The following ATAD2 variants were observed in gnomAD, a reference collection of about 807,000 sequenced individuals.
The protein encoded by ATAD2 is ATPase family AAA domain-containing protein 2.
In ATAD2, 62 loss-of-function variants were observed where a neutral mutation model predicts 168.9. The ratio of observed to expected loss-of-function variants is 0.37; its 90% CI spans 0.30 to 0.45. ATAD2 has a LOEUF of 0.45. Ranked by LOEUF, ATAD2 falls within the 20% of genes least tolerant of loss-of-function variation. ATAD2 has a pLI of 1.00. For missense variants in ATAD2, 1,419 were observed against 1,667.8 expected, an observed-to-expected ratio of 0.85 and a Z score of 2.60; for synonymous variants, 613 against 571.6, an observed-to-expected ratio of 1.07 and a Z score of -1.03.
chr8:123,405,763 C>T (rs1205437672), intron 1 of ATAD2, among the ~76,000 whole-genome samples: 4 of 152,238 alleles, frequency 2.6e-5, no homozygotes, highest in African/African-American at 9.6e-5. Context: ...TCATAGTCCA[C>T]TCTGTGGACA....
chr8:123,326,265 G>C (rs1301281260), intron 25 of ATAD2, among the ~76,000 whole-genome samples: 1 of 152,162 alleles, frequency 6.6e-6, no homozygotes, highest in African/African-American at 2.4e-5. Flanking sequence ...CAACAGGTTA[G>C]AATGTCTTCT....
At chr8:123,369,417 G>C in intron 7 of ATAD2, 1 of 215,948 alleles carries the variant, frequency 4.6e-6, no homozygotes, top group South Asian at 1.3e-4. Context: ...ACACACACAG[G>C]CCATAAACAA....
chr8:123,399,929 C>T (rs1430679682), upstream of ATAD2, among the ~76,000 whole-genome samples: 4 of 152,058 alleles, frequency 2.6e-5, 1 homozygote, highest in Non-Finnish European at 4.4e-5. Context: ...TTTGGGAGGG[C>T]GAGGCAGGCA....
intron 26 of ATAD2, among the ~76,000 whole-genome samples, chr8:123,323,939 A>G (rs1200731037): frequency 6.6e-6 from 1 of 152,234 alleles, no homozygotes; most frequent in Non-Finnish European, 1.5e-5. Flanking sequence ...AATGACATAC[A>G]TGTATACTGA....
At chr8:123,409,234 G>A (rs1033803438) in intron 1 of ATAD2, among the ~76,000 whole-genome samples, 6 of 152,238 alleles carry the variant, frequency 3.9e-5, no homozygotes, top group Admixed American at 1.3e-4. Flanking sequence ...ACACAGCAGT[G>A]AGTCTAATAC....
chr8:123,375,815 A>G (rs1013344888), intron 2 of ATAD2, among the ~76,000 whole-genome samples: 3 of 152,156 alleles, frequency 2.0e-5, no homozygotes, highest in African/African-American at 4.8e-5. Flanking sequence ...TACTAAAAAT[A>G]CAAAAATTAG....
chr8:123,409,114 C>T (rs149198820), intron 1 of ATAD2, among the ~76,000 whole-genome samples: 41 of 152,272 alleles, frequency 2.7e-4, no homozygotes, highest in Non-Finnish European at 4.1e-4. Context: ...GTATGAGCCA[C>T]GGCCCCGGCT....
intron 2 of ATAD2, 101 bp from the exon 3 acceptor site, chr8:123,372,787 G>A: frequency 1.1e-6 from 1 of 941,736 alleles, no homozygotes; most frequent in Non-Finnish European, 1.5e-6. Flanking sequence ...GAGTGCAGTG[G>A]CACAATCATG....
chr8:123,415,229 C>T (rs1279882234), intron 1 of ATAD2, among the ~76,000 whole-genome samples: 2 of 152,086 alleles, frequency 1.3e-5, no homozygotes, highest in African/African-American at 4.8e-5. Flanking sequence ...AAAGATAGGG[C>T]CCCAATCCCT....
intron 12 of ATAD2, among the ~76,000 whole-genome samples, chr8:123,357,077 T>TA (rs1454346670): frequency 6.6e-6 from 1 of 152,206 alleles, no homozygotes; most frequent in Admixed American, 6.5e-5. Flanking sequence ...CCACAGTTTT[T>TA]ATCCATTTCC....
At chr8:123,332,340 A>G (rs1484715638) in intron 24 of ATAD2, among the ~76,000 whole-genome samples, 1 of 152,210 alleles carries the variant, frequency 6.6e-6, no homozygotes, top group Non-Finnish European at 1.5e-5. Context: ...CACCAACAGA[A>G]GAAACTCACA....
intron 1 of ATAD2, among the ~76,000 whole-genome samples, chr8:123,413,994 A>C (rs865795766): frequency 6.6e-6 from 1 of 151,504 alleles, no homozygotes; most frequent in Admixed American, 6.6e-5. Flanking sequence ...TCCACAAGAA[A>C]ATACACAATT....
intron 9 of ATAD2, among the ~76,000 whole-genome samples, 172 bp downstream of exon 9, chr8:123,361,367 T>C (rs1416922415): frequency 6.6e-6 from 1 of 151,972 alleles, no homozygotes; most frequent in Non-Finnish European, 1.5e-5. Context: ...TAACCTGTTA[T>C]TCTGATTCAA....
intron 3 of ATAD2, among the ~76,000 whole-genome samples, chr8:123,372,052 A>G (rs1381517574): frequency 6.6e-6 from 1 of 152,218 alleles, no homozygotes; most frequent in African/African-American, 2.4e-5. Flanking sequence ...AAGAGGAAAG[A>G]TATGTAATAC....
chr8:123,358,352 AT>A (rs953209641), intron 11 of ATAD2, among the ~76,000 whole-genome samples: 26 of 147,132 alleles, frequency 1.8e-4, no homozygotes, highest in African/African-American at 3.2e-4. Flanking sequence ...GGCACTTTCT[AT>A]TTTTTTTTTG....
rs1299481452 is a variant in ATAD2, at chr8:123,349,375, A to G, written c.1716T>C (p.Gly572=). 5 of 1,614,000 alleles carry G rather than the reference A, an allele frequency of 3.1e-6. No homozygotes were observed. The highest frequency in any genetic ancestry group is 4.2e-6 in the Non-Finnish European group (5 of 1,180,008). ...LDSRGEIVVI[G]ATNRLDSIDP... is the part of the protein sequence containing the mutation. ...CTATAGAATCTAGCCTGTTCGTAGC[A>G]CCAATGACCACAATTTCCCCTCTGC... Residue 572 remains glycine (G), a synonymous_variant, in exon 14 of 28, where the codon GGT becomes GGC. Transcript: ENST00000287394.
At chr8:123,357,504 C>T (rs1286779014) in intron 12 of ATAD2, 58 bp downstream of exon 12, 2 of 1,416,612 alleles carry the variant, frequency 1.4e-6, no homozygotes, top group East Asian at 4.9e-5. Flanking sequence ...ATCTAATCCT[C>T]ACACACATCT....
chr8:123,361,579 C>G lies in ATAD2; in HGVS notation c.1117G>C (p.Glu373Gln), dbSNP rs377002025. The G allele has an allele frequency of 4.3e-6, 7 of 1,613,380 alleles. No homozygotes were observed. In the African/African-American group the frequency reaches 8.0e-5, roughly 18 times the overall value. The change falls in exon 9 of 28, where the codon GAG becomes CAG. Residue 373 changes from glutamate (E) to glutamine (Q), a missense_variant. Glu to Gln is a conservative substitution (Grantham distance 29). This residue lies in a region of ATAD2 where 146 missense variants were observed against 188.3 expected (regional missense o/e 0.78). Coordinates refer to ENST00000287394, the MANE Select transcript of ATAD2 (RefSeq NM_014109.4). The part of the protein sequence containing the change: ...SSSSEDEQHF[E>Q]RRRKRSRNRA... Reference sequence around the variant, plus strand: ...TTACGACTCCTTTTCCTCCGCCTCTCAAAGTGCTGTTCATCTTCAGAGGAG... The same window carrying G: ...TTACGACTCCTTTTCCTCCGCCTCTGAAAGTGCTGTTCATCTTCAGAGGAG...
At chr8:123,358,667 C>T (rs747511619) in intron 11 of ATAD2, among the ~76,000 whole-genome samples, 4 of 137,134 alleles carry the variant, frequency 2.9e-5, no homozygotes, top group Non-Finnish European at 4.7e-5. Context: ...TTTTAAATTA[C>T]AAAATTTAAT....
Sources: allele counts gnomAD v4.1 joint callset (sites outside exome capture counted in the v4.1 genomes callset), GRCh38; gene constraint gnomAD v4.1.1; regional missense constraint gnomAD v4.1.1; transcripts MANE v1.5; gene names NCBI Gene and HGNC (gene_info 2026-07-23, HGNC 2026-07-21).